The following MFAP4 variants were observed in gnomAD, a reference collection of about 807,000 sequenced individuals.
MFAP4 encodes the protein microfibril-associated glycoprotein 4.
MFAP4 carries 20 observed loss-of-function variants against 32.4 expected under a neutral mutation model. The ratio of observed to expected loss-of-function variants is 0.62; its 90% CI spans 0.43 to 0.90. MFAP4 has a LOEUF of 0.90. Ranked by LOEUF, MFAP4 falls within the 40% of genes least tolerant of loss-of-function variation. The pLI is 0.00. For missense variants in MFAP4, 267 were observed against 329.5 expected, an observed-to-expected ratio of 0.81 and a Z score of 1.47; for synonymous variants, 146 against 137.4, an observed-to-expected ratio of 1.06 and a Z score of -0.44.
chr17:19,386,870 C>A, intron 1 of MFAP4, 32 bp from the exon 2 acceptor site: 1 of 1,545,916 alleles, frequency 6.5e-7, no homozygotes, highest in Non-Finnish European at 8.8e-7. Context: ...CAGCACAGCC[C>A]CTTCCCAGCT....
At position 19,384,423 on chromosome 17, in the gene MFAP4, G is replaced by C. The variant is rs1323678620; in HGVS notation, c.*39C>G. The stretch of plus-strand genomic sequence containing the variant: ...GAGGGAGCACTCATGGAGACCATGG[G>C]TGTCCAGGGGAGGAAAGGTGCCTGA... On this transcript the variant is annotated 3_prime_UTR_variant, in exon 6 of 6. Transcript: ENST00000299610. 6.5e-7 allele frequency: 1 copy of C among 1,546,206 alleles called. No homozygotes were observed. Among genetic ancestry groups the C allele is most frequent in the Admixed American group, 2.0e-5 (1 of 51,008 alleles).
intron 1 of MFAP4, 42 bp downstream of exon 1, chr17:19,387,108 A>G (rs757333612): frequency 1.2e-6 from 2 of 1,612,748 alleles, no homozygotes; most frequent in South Asian, 1.1e-5. Flanking sequence ...GAGTGGGCTC[A>G]GTTCCCCCAT....
At position 19,386,793 on chromosome 17, in the gene MFAP4, A is replaced by G. The variant is rs750080406; in HGVS notation, c.52T>C (p.Cys18Arg). 1.8e-5 allele frequency: 29 copies of G among 1,577,930 alleles called. No homozygotes were observed. The South Asian group carries it at 2.9e-4, about 16-fold the overall frequency. The change falls in exon 2 of 6, where the codon TGT becomes CGT. Residue 18 changes from cysteine to arginine, a missense_variant. Around this residue, in one of 3 missense-constraint regions of MFAP4, gnomAD observed 223 missense variants for 253.3 expected, o/e 0.88. Coordinates refer to ENST00000299610, the MANE Select transcript of MFAP4 (RefSeq NM_002404.3). ...CGGATCCCGGAGACCTGGGGGGCAC[A>G]CGGGGGCGTGGAGAGAAGCAGCAGC... ...PLLLLLSTPP[C>R]APQVSGIRGD... is the part of the protein sequence containing the mutation.
intron 1 of MFAP4, 82 bp downstream of exon 1, chr17:19,387,068 C>T: frequency 1.3e-6 from 2 of 1,581,956 alleles, no homozygotes; most frequent in African/African-American, 1.4e-5. Context: ...CTTGTGCCTT[C>T]ATAGTGCCCT....
chr17:19,386,598 G>T, intron 2 of MFAP4, 134 bp from the exon 3 acceptor site: 1 of 1,262,536 alleles, frequency 7.9e-7, no homozygotes, highest in Non-Finnish European at 1.1e-6. Flanking sequence ...TTTCTTCAAG[G>T]GAGATGAGCA....
At chr17:19,386,219 A>G in intron 3 of MFAP4, 91 bp downstream of exon 3, 1 of 1,204,414 alleles carries the variant, frequency 8.3e-7, no homozygotes, top group Non-Finnish European at 1.1e-6. Context: ...CATTTTAAAG[A>G]TGAAGAAACT....
chr17:19,385,534 G>A (rs928569412), intron 3 of MFAP4, 80 bp from the exon 4 acceptor site: 3 of 1,313,814 alleles, frequency 2.3e-6, no homozygotes, highest in African/African-American at 2.9e-5. Context: ...CCTCAAGCAT[G>A]GACCCTGTGA....
intron 3 of MFAP4, 130 bp from the exon 4 acceptor site, chr17:19,385,584 GGA>G: frequency 1.3e-6 from 1 of 754,098 alleles, no homozygotes; most frequent in Non-Finnish European, 2.2e-6. Context: ...TTGGGGGTGG[GGA>G]GGGTGGTGGG....
Position 19,384,321 on chromosome 17 carries a change from C to T in MFAP4, c.*141G>A. ...CCCTGGGTGTGTGACAGGGATGTGGCATGGCTGAGAGCCACAAGGCCCCCT... is the reference window on the plus strand; with the variant it reads ...CCCTGGGTGTGTGACAGGGATGTGGTATGGCTGAGAGCCACAAGGCCCCCT... On this transcript the variant is annotated 3_prime_UTR_variant, in exon 6 of 6. Coordinates refer to ENST00000299610, the MANE Select transcript of MFAP4 (RefSeq NM_002404.3). 1 of 1,037,820 alleles carries T rather than the reference C, an allele frequency of 9.6e-7. No individual in the cohort carries two copies. Among genetic ancestry groups the T allele is most frequent in the Admixed American group, 2.6e-5 (1 of 38,786 alleles). The allele number at this position is 1,037,820 out of a possible 1,614,324, so 64.3% of individuals were successfully genotyped here.
Position 19,385,413 on chromosome 17 carries a change from G to A in MFAP4, c.282C>T (p.Arg94=), listed in dbSNP as rs777556848. The A allele has an allele frequency of 6.8e-6, 11 of 1,614,094 alleles. No homozygotes were observed. The highest frequency in any genetic ancestry group is 3.3e-5 in the South Asian group (3 of 91,090). The change falls in exon 4 of 6, where the codon CGC becomes CGT. Residue 94 remains arginine (R), a synonymous_variant. Coordinates refer to ENST00000299610, the MANE Select transcript of MFAP4 (RefSeq NM_002404.3). ...KRFNGSVSFF[R]GWNDYKLGFG... ...AGCCCAGCTTGTAGTCATTCCAGCC[G>A]CGGAAGAAACTTACTGAGCCATTGA... is the stretch of plus-strand genomic sequence containing the variant.
intron 1 of MFAP4, 154 bp downstream of exon 1, chr17:19,386,996 C>CCCACA: frequency 8.5e-7 from 1 of 1,177,464 alleles, no homozygotes; most frequent in African/African-American, 1.6e-5. Context: ...CCCCGCCCGC[C>CCCACA]AAGTAACCCC....
chr17:19,386,454 C>T lies in MFAP4; in HGVS notation c.96G>A (p.Arg32=), dbSNP rs926419672. 3 of 1,612,636 alleles carry T rather than the reference C, an allele frequency of 1.9e-6. No homozygotes were observed. The highest frequency in any genetic ancestry group is 2.5e-6 in the Non-Finnish European group (3 of 1,179,376). ...VSGIRGDALE[R]FCLQQPLDCD... The stretch of plus-strand genomic sequence containing the variant: ...AGTCCAGGGGTTGCTGAAGGCAAAA[C>T]CTCTCCAGAGCTGGGGGTAGGGACA... The change falls in exon 3 of 6, where the codon AGG becomes AGA. Residue 32 remains arginine (R), a synonymous_variant. Transcript: ENST00000299610.
At position 19,385,082 on chromosome 17, in the gene MFAP4, C is replaced by CT; in HGVS notation, c.520+16dup. ...TTTCCCCTCACAGCCCCTCCCAAAGCTAACAGCGGGTTATACCTGCCCCGC... is the reference window on the plus strand; with the variant it reads ...TTTCCCCTCACAGCCCCTCCCAAAGCTTAACAGCGGGTTATACCTGCCCCGC... On this transcript the variant is annotated intron_variant, in intron 5 of 5. Transcript: ENST00000299610. 1 of 1,608,110 alleles carries CT rather than the reference C, an allele frequency of 6.2e-7. No homozygotes were observed.
intron 1 of MFAP4, 134 bp from the exon 2 acceptor site, chr17:19,386,972 T>TGGCGGGGGGCCCCCCCCCC: frequency 1.1e-6 from 1 of 937,006 alleles, no homozygotes. Flanking sequence ...TGGCCCCTCT[T>TGGCGGGGGGCCCCCCCCCC]CCCTGCCCCC....
chr17:19,386,190 C>A, intron 3 of MFAP4, 120 bp downstream of exon 3: 1 of 904,754 alleles, frequency 1.1e-6, no homozygotes, highest in Non-Finnish European at 1.6e-6. Context: ...AGAAGCTGTG[C>A]TGTGGGTATC....
At chr17:19,386,863 C>T in intron 1 of MFAP4, 25 bp from the exon 2 acceptor site, 1 of 1,550,784 alleles carries the variant, frequency 6.4e-7, no homozygotes, top group South Asian at 1.2e-5. Flanking sequence ...ACAGGGTCAG[C>T]ACAGCCCCTT....
chr17:19,384,160 A>C lies in MFAP4; in HGVS notation c.*302T>G. ...GCTCCTGGCTGTCAGCTGTTGGGAC[A>C]GGTTGGAGGCAACTCATTCTCATGG... On this transcript the variant is annotated 3_prime_UTR_variant, in exon 6 of 6. Transcript: ENST00000299610. 2 of 386,950 alleles carry C rather than the reference A, an allele frequency of 5.2e-6. No individual in the cohort carries two copies. Among genetic ancestry groups the C allele is most frequent in the South Asian group, 2.5e-5 (1 of 39,680 alleles). The allele number at this position is 386,950 out of a possible 1,614,324, so 24.0% of individuals were successfully genotyped here.
Position 19,384,153 on chromosome 17 carries a change from T to C in MFAP4, c.*309A>G. 2.7e-6 allele frequency: 1 copy of C among 372,768 alleles called. No individual in the cohort carries two copies. 23.1% of individuals were successfully genotyped at this position (372,768 alleles called of 1,614,324 possible). On this transcript the variant is annotated 3_prime_UTR_variant, in exon 6 of 6. Transcript: ENST00000299610. ...GAGAGTGGCTCCTGGCTGTCAGCTG[T>C]TGGGACAGGTTGGAGGCAACTCATT...
Position 19,384,973 on chromosome 17 carries a change from G to A in MFAP4, c.520+126C>T, listed in dbSNP as rs1223842730. 3.1e-6 allele frequency: 4 copies of A among 1,296,172 alleles called. No homozygotes were observed. In the African/African-American group the frequency reaches 6.0e-5, roughly 19 times the overall value. 80.3% of individuals were successfully genotyped at this position (1,296,172 alleles called of 1,614,324 possible). On this transcript the variant is annotated intron_variant, in intron 5 of 5. Transcript: ENST00000299610. ...GCTGGTTTGAGCTTGTTTGGAGCCA[G>A]CTGTGGCCCTTCCAGATCCAGAAGG...
Sources: gnomAD v4.1 joint callset for allele counts on GRCh38, gnomAD v4.1.1 for gene constraint, gnomAD v4.1.1 regional missense constraint, MANE v1.5 for transcripts, NCBI Gene and HGNC (gene_info 2026-07-23, HGNC 2026-07-21) for gene names.